The following SUGT1 variants were observed in gnomAD, a reference collection of about 807,000 sequenced individuals.
The protein encoded by SUGT1 is SGT1 assembly cochaperone of MIS12 kinetochore complex.
SUGT1 carries 15 observed loss-of-function variants against 56.1 expected under a neutral mutation model. That is an observed-to-expected ratio of 0.27 (90% CI 0.18 to 0.41). The LOEUF (loss-of-function observed/expected upper bound fraction) is 0.41, where lower values mean the gene tolerates loss of function less well. SUGT1 is among the 10% of genes least tolerant of loss of function. SUGT1 has a pLI of 1.00. For missense variants in SUGT1, 347 were observed against 382.2 expected (o/e 0.91, Z 0.77); for synonymous variants, 123 against 128.6 (o/e 0.96, Z 0.30).
intron 3 of SUGT1, chr13:52,658,169 A>C (rs1175327919): frequency 6.9e-7 from 1 of 1,456,886 alleles, no homozygotes; most frequent in Admixed American, 2.3e-5. Context: ...ATTTTGTGAC[A>C]CAGCTGTATT....
chr13:52,665,332 A>G (rs1185901920), intron 8 of SUGT1, among the ~76,000 whole-genome samples: 2 of 152,216 alleles, frequency 1.3e-5, no homozygotes, highest in Non-Finnish European at 2.9e-5. Context: ...TTTAAAATAA[A>G]TGACATCTTT....
intron 12 of SUGT1, among the ~76,000 whole-genome samples, chr13:52,681,441 A>C (rs1366772389): frequency 6.6e-6 from 1 of 151,990 alleles, no homozygotes; most frequent in Non-Finnish European, 1.5e-5. Context: ...GTCTTCATTA[A>C]ACTTTTAGTT....
chr13:52,667,873 A>G (rs1312076400), intron 10 of SUGT1, among the ~76,000 whole-genome samples: 2 of 152,206 alleles, frequency 1.3e-5, no homozygotes, highest in Non-Finnish European at 2.9e-5. Flanking sequence ...CTGTGGACCA[A>G]ATGAACTCTG....
At chr13:52,680,516 A>G (rs1193989727) in intron 12 of SUGT1, among the ~76,000 whole-genome samples, 2 of 152,168 alleles carry the variant, frequency 1.3e-5, no homozygotes, top group Non-Finnish European at 2.9e-5. Context: ...AACTTTTCAG[A>G]ATAGTGTTTG....
chr13:52,665,029 G>T (rs1380639048), intron 8 of SUGT1, among the ~76,000 whole-genome samples: 1 of 152,084 alleles, frequency 6.6e-6, no homozygotes, highest in Non-Finnish European at 1.5e-5. Context: ...AGACCCATTA[G>T]TCTTTCCATG....
intron 12 of SUGT1, among the ~76,000 whole-genome samples, chr13:52,686,601 G>GCT (rs1437670990): frequency 1.3e-5 from 2 of 152,240 alleles, no homozygotes; most frequent in African/African-American, 2.4e-5. Context: ...ATGTAAGGGA[G>GCT]CTCGGTAGAG....
At chr13:52,660,213 A>G (rs1252208566) in intron 5 of SUGT1, among the ~76,000 whole-genome samples, 1 of 152,116 alleles carries the variant, frequency 6.6e-6, no homozygotes, top group Non-Finnish European at 1.5e-5. Flanking sequence ...TCCTACTTGT[A>G]TTATCATTTT....
intron 10 of SUGT1, among the ~76,000 whole-genome samples, chr13:52,675,244 A>T (rs1963098166): frequency 6.6e-6 from 1 of 152,182 alleles, no homozygotes. Flanking sequence ...AAAGTATCTC[A>T]CATACTTCCA....
chr13:52,663,618 A>G (rs888373104), intron 7 of SUGT1, among the ~76,000 whole-genome samples: 3 of 152,162 alleles, frequency 2.0e-5, no homozygotes, highest in Admixed American at 2.0e-4. Context: ...ACAGATGTAC[A>G]CCACCAAGCC....
Position 52,692,366 on chromosome 13 carries a change from G to A in SUGT1, c.*4531G>A, listed in dbSNP as rs1444359919. The A allele has an allele frequency of 6.6e-6, 1 of 151,932 alleles. No individual in the cohort carries two copies. The highest frequency in any genetic ancestry group is 1.5e-5 in the Non-Finnish European group (1 of 68,036). The allele number at this position is 151,932 out of a possible 1,614,324, so 9.4% of individuals were successfully genotyped here. ...ATGAATGATTTTTATTACCAAATCAGCTGACTGGAAATGAAGCAGAGAATA... is the reference window on the plus strand; with the variant it reads ...ATGAATGATTTTTATTACCAAATCAACTGACTGGAAATGAAGCAGAGAATA... On this transcript the variant is annotated 3_prime_UTR_variant, in exon 13 of 13. Coordinates refer to ENST00000310528, the MANE Select transcript of SUGT1 (RefSeq NM_006704.5).
chr13:52,671,769 C>T (rs1962952339), intron 10 of SUGT1, among the ~76,000 whole-genome samples: 4 of 152,100 alleles, frequency 2.6e-5, no homozygotes, highest in South Asian at 2.1e-4. Context: ...AACTGAGGCT[C>T]GCTGAGATTG....
Position 52,699,884 on chromosome 13 carries a change from T to C in SUGT1, c.*12049T>C, listed in dbSNP as rs1392886713. ...GCAAATGCAATGCTAGTAAAAAGTATATAGAGGTATGTCTTTCACACTATC... is the reference window on the plus strand; with the variant it reads ...GCAAATGCAATGCTAGTAAAAAGTACATAGAGGTATGTCTTTCACACTATC... On this transcript the variant is annotated 3_prime_UTR_variant, in exon 13 of 13. Transcript: ENST00000310528. 6.6e-6 allele frequency: 1 copy of C among 152,190 alleles called. No homozygotes were observed. The highest frequency in any genetic ancestry group is 1.5e-5 in the Non-Finnish European group (1 of 68,014). 9.4% of individuals were successfully genotyped at this position (152,190 alleles called of 1,614,324 possible).
chr13:52,696,231 C>T lies in SUGT1; in HGVS notation c.*8396C>T, dbSNP rs1174571952. 1 of 152,228 alleles carries T rather than the reference C, an allele frequency of 6.6e-6. No individual in the cohort carries two copies. The highest frequency in any genetic ancestry group is 2.4e-5 in the African/African-American group (1 of 41,450). 9.4% of individuals were successfully genotyped at this position (152,228 alleles called of 1,614,324 possible). A position where few individuals can be genotyped will look rare whatever the true frequency, so the allele number is the denominator to read the frequency against. On this transcript the variant is annotated 3_prime_UTR_variant, in exon 13 of 13. Transcript: ENST00000310528. ...ATTTGCTCATGGTCTTATCACTGCA[C>T]AGAATGCCCTTATTTTCTTCCATTC...
At chr13:52,669,476 G>C (rs1033643000) in intron 10 of SUGT1, among the ~76,000 whole-genome samples, 1 of 152,130 alleles carries the variant, frequency 6.6e-6, no homozygotes, top group Admixed American at 6.6e-5. Flanking sequence ...TTTGCAGGTG[G>C]AAAAACAATC....
intron 10 of SUGT1, among the ~76,000 whole-genome samples, chr13:52,669,522 C>A (rs1962845869): frequency 6.6e-6 from 1 of 152,202 alleles, no homozygotes; most frequent in South Asian, 2.1e-4. Flanking sequence ...CCCAAGTTTA[C>A]CTAGTTAACT....
At chr13:52,675,149 A>G (rs1963093435) in intron 10 of SUGT1, among the ~76,000 whole-genome samples, 1 of 152,208 alleles carries the variant, frequency 6.6e-6, no homozygotes, top group African/African-American at 2.4e-5. Flanking sequence ...TTCAAGATGT[A>G]TAAAGCGTTT....
Position 52,664,027 on chromosome 13 carries a change from C to A in SUGT1, c.400-8C>A. ...CTTTCAACTTACCAAAATCAATCTG[C>A]ATCCCAGTGGACTCATCAGTCAAAA... On this transcript the variant is annotated splice_region_variant and splice_polypyrimidine_tract_variant and intron_variant, in intron 7 of 12. Coordinates refer to ENST00000310528, the MANE Select transcript of SUGT1 (RefSeq NM_006704.5). 1.2e-6 allele frequency: 2 copies of A among 1,612,834 alleles called. No homozygotes were observed. The highest frequency in any genetic ancestry group is 1.7e-6 in the Non-Finnish European group (2 of 1,179,468).
intron 10 of SUGT1, among the ~76,000 whole-genome samples, chr13:52,673,331 C>T (rs934387105): frequency 2.0e-5 from 3 of 151,386 alleles, no homozygotes; most frequent in Non-Finnish European, 4.4e-5. Context: ...ACTGTGGCCT[C>T]AACCTCTTGG....
In SUGT1 at chr13:52,687,714, A is replaced by G. The variant is rs768420653; in HGVS notation, c.901-20A>G. 1.3e-5 allele frequency: 20 copies of G among 1,551,628 alleles called. No homozygotes were observed. The highest frequency in any genetic ancestry group is 9.7e-5 in the African/African-American group (7 of 72,244). ...GATTATATGGTCCAGGAATTAATCT[A>G]TTTTTATTTTTCATTGCAGATGGAG... is the stretch of plus-strand genomic sequence containing the variant. On this transcript the variant is annotated intron_variant, in intron 12 of 12. Transcript: ENST00000310528.
Sources: allele counts gnomAD v4.1 joint callset (sites outside exome capture counted in the v4.1 genomes callset), GRCh38; gene constraint gnomAD v4.1.1; transcripts MANE v1.5; gene names NCBI Gene and HGNC (gene_info 2026-07-23, HGNC 2026-07-21).